STXBP5L: variants seen among roughly 807,000 people sequenced by gnomAD.
STXBP5L encodes the protein syntaxin binding protein 5L.
In STXBP5L, 65 loss-of-function variants were observed where a neutral mutation model predicts 144.5. The observed-to-expected ratio is 0.45, with a 90% CI of 0.37 to 0.55. The LOEUF (loss-of-function observed/expected upper bound fraction) is 0.55, where lower values mean the gene tolerates loss of function less well. Ranked by LOEUF, STXBP5L falls within the 20% of genes least tolerant of loss-of-function variation. STXBP5L has a pLI of 0.00. For synonymous variants in STXBP5L, 505 were observed against 469.6 expected, an observed-to-expected ratio of 1.08 and a Z score of -0.97; for missense variants, 1,298 against 1,405.5, an observed-to-expected ratio of 0.92 and a Z score of 1.22.
intron 5 of STXBP5L, among the ~76,000 whole-genome samples, chr3:121,056,618 A>G (rs1347885980): frequency 6.6e-6 from 1 of 152,164 alleles, no homozygotes; most frequent in Non-Finnish European, 1.5e-5. Flanking sequence ...AAAGTGTTGC[A>G]TAACTAATAT....
At chr3:121,097,341 A>G (rs1433461687) in intron 5 of STXBP5L, among the ~76,000 whole-genome samples, 2 of 152,130 alleles carry the variant, frequency 1.3e-5, no homozygotes. Flanking sequence ...CTGGCATTCC[A>G]GGAGCCACTG....
chr3:121,102,484 G>A (rs2043482608), intron 5 of STXBP5L, among the ~76,000 whole-genome samples: 1 of 152,090 alleles, frequency 6.6e-6, no homozygotes, highest in Admixed American at 6.6e-5. Flanking sequence ...TTCAATAAAT[G>A]GTGCTGTGAT....
intron 3 of STXBP5L, among the ~76,000 whole-genome samples, chr3:120,983,259 T>G (rs1354102292): frequency 6.6e-6 from 1 of 151,274 alleles, no homozygotes; most frequent in Admixed American, 6.6e-5. Flanking sequence ...GATGCTCAGA[T>G]GGGGGCAGGG....
At chr3:121,167,837 G>A (rs1344560193) in intron 9 of STXBP5L, among the ~76,000 whole-genome samples, 2 of 152,198 alleles carry the variant, frequency 1.3e-5, no homozygotes, top group African/African-American at 4.8e-5. Flanking sequence ...TCTGCTAAGG[G>A]TCAGATTGCC....
chr3:121,363,590 GCA>G (rs1378923108), intron 20 of STXBP5L, among the ~76,000 whole-genome samples: 8 of 150,828 alleles, frequency 5.3e-5, no homozygotes, highest in Non-Finnish European at 8.9e-5. Context: ...CCCTCCCTGA[GCA>G]CCCAGATACT....
At chr3:121,364,431 A>G (rs2108645639) in intron 20 of STXBP5L, among the ~76,000 whole-genome samples, 1 of 151,762 alleles carries the variant, frequency 6.6e-6, no homozygotes, top group East Asian at 1.9e-4. Context: ...TGGCTATTAG[A>G]TTTGGCCATG....
intron 7 of STXBP5L, among the ~76,000 whole-genome samples, chr3:121,128,563 G>A (rs893096914): frequency 6.6e-6 from 1 of 152,048 alleles, no homozygotes; most frequent in Non-Finnish European, 1.5e-5. Flanking sequence ...ATGCAAGAGA[G>A]CCAGGTTCCA....
At chr3:121,079,794 A>G (rs1231189780) in intron 5 of STXBP5L, among the ~76,000 whole-genome samples, 1 of 152,174 alleles carries the variant, frequency 6.6e-6, no homozygotes, top group Non-Finnish European at 1.5e-5. Context: ...AGAATGTATT[A>G]TGCAGTTGTT....
chr3:121,384,197 A>G (rs1401317831), intron 22 of STXBP5L, among the ~76,000 whole-genome samples: 1 of 152,144 alleles, frequency 6.6e-6, no homozygotes, highest in African/African-American at 2.4e-5. Context: ...GAAAAACAAA[A>G]TTAAACACAA....
At chr3:121,344,136 C>T (rs1012039366) in intron 20 of STXBP5L, among the ~76,000 whole-genome samples, 1 of 151,922 alleles carries the variant, frequency 6.6e-6, no homozygotes, top group African/African-American at 2.4e-5. Context: ...CTGAGAAAAA[C>T]AAGCAATGGG....
chr3:121,071,001 G>A (rs1485779190), intron 5 of STXBP5L, among the ~76,000 whole-genome samples: 1 of 152,188 alleles, frequency 6.6e-6, no homozygotes, highest in Non-Finnish European at 1.5e-5. Flanking sequence ...TCTAGTTATA[G>A]ACACAAGTTC....
At chr3:121,241,703 A>C (rs1389071994) in intron 14 of STXBP5L, among the ~76,000 whole-genome samples, 1 of 152,168 alleles carries the variant, frequency 6.6e-6, no homozygotes, top group South Asian at 2.1e-4. Context: ...TGAGGAAGGA[A>C]GAGAAGAAAG....
In STXBP5L at chr3:121,104,806, T is replaced by C. The variant is rs182844787; in HGVS notation, c.471-10119T>C. 2.0e-5 allele frequency among the ~76,000 whole-genome samples: 3 copies of C among 152,278 alleles called. No homozygotes were observed. In the East Asian group the frequency reaches 5.8e-4, roughly 29 times the overall value. On this transcript the variant is annotated intron_variant, in intron 5 of 26. Coordinates refer to ENST00000471454, the MANE Select transcript of STXBP5L (RefSeq NM_001308330.2). ...ACCACAAAAATCCTAGAAGATATCA[T>C]TGGAAAAACTCTTCTAGACATTGGT...
chr3:121,318,179 C>A (rs887871950), intron 19 of STXBP5L, among the ~76,000 whole-genome samples: 3 of 151,854 alleles, frequency 2.0e-5, no homozygotes, highest in African/African-American at 7.3e-5. Flanking sequence ...CAGAATAGGC[C>A]AGGCATGGTG....
At chr3:121,028,205 T>C (rs893921017) in intron 3 of STXBP5L, among the ~76,000 whole-genome samples, 2 of 152,094 alleles carry the variant, frequency 1.3e-5, no homozygotes, top group South Asian at 2.1e-4. Context: ...TACATTTTCA[T>C]TAAGTTTAGA....
At chr3:121,321,723 C>T (rs1361588605) in intron 20 of STXBP5L, among the ~76,000 whole-genome samples, 5 of 152,146 alleles carry the variant, frequency 3.3e-5, no homozygotes, top group African/African-American at 1.2e-4. Flanking sequence ...GGAATCTCAG[C>T]TCTCACCCCT....
At chr3:121,073,405 C>A (rs949006759) in intron 5 of STXBP5L, among the ~76,000 whole-genome samples, 2 of 152,190 alleles carry the variant, frequency 1.3e-5, no homozygotes, top group South Asian at 2.1e-4. Context: ...GAATTATTAA[C>A]CTTTGTCCAA....
chr3:121,408,567 G>C (rs187852927), intron 23 of STXBP5L, among the ~76,000 whole-genome samples: 1 of 152,078 alleles, frequency 6.6e-6, no homozygotes, highest in East Asian at 1.9e-4. Flanking sequence ...CAGCATAGTT[G>C]AACATGTATT....
intron 22 of STXBP5L, among the ~76,000 whole-genome samples, chr3:121,390,139 A>G (rs2046540177): frequency 6.6e-6 from 1 of 152,190 alleles, no homozygotes; most frequent in African/African-American, 2.4e-5. Context: ...ACCATTATGT[A>G]ATGGCCTTCT....
Sources: gnomAD v4.1 joint callset for allele counts (sites outside exome capture counted in the v4.1 genomes callset) on GRCh38, gnomAD v4.1.1 for gene constraint, MANE v1.5 for transcripts, NCBI Gene and HGNC (gene_info 2026-07-23, HGNC 2026-07-21) for gene names.